Variants in MGRN1 observed in about 807,000 individuals in gnomAD.
MGRN1 encodes E3 ubiquitin-protein ligase MGRN1.
In MGRN1, 29 loss-of-function variants were observed where a neutral mutation model predicts 69.2. The observed-to-expected ratio is 0.42, with a 90% CI of 0.31 to 0.57. The LOEUF (loss-of-function observed/expected upper bound fraction) is 0.57. MGRN1 is among the 20% of genes least tolerant of loss of function. MGRN1 has a pLI of 0.15. For missense variants in MGRN1, 998 were observed against 796.2 expected, an observed-to-expected ratio of 1.25 and a Z score of -3.05; for synonymous variants, 470 against 344.2, an observed-to-expected ratio of 1.37 and a Z score of -4.04.
At chr16:4,650,250 C>G in intron 1 of MGRN1, 115 bp from the exon 2 acceptor site, 1 of 739,996 alleles carries the variant, frequency 1.4e-6, no homozygotes, top group Non-Finnish European at 2.2e-6. Flanking sequence ...TTGCAGTGAG[C>G]TGAGATAGCG....
chr16:4,643,381 CT>C (rs1240731149), intron 1 of MGRN1, among the ~76,000 whole-genome samples: 1 of 150,158 alleles, frequency 6.7e-6, no homozygotes, highest in Non-Finnish European at 1.5e-5. Context: ...CAGGCGTGAG[CT>C]ACTGTACCCG....
intron 5 of MGRN1, 116 bp downstream of exon 5, chr16:4,657,479 T>TG (rs1338856374): frequency 4.1e-5 from 41 of 1,006,148 alleles, no homozygotes; most frequent in Non-Finnish European, 5.6e-5. Context: ...TCATAAGACC[T>TG]GGGAACGGCC....
In MGRN1 at chr16:4,667,074, T is replaced by G. The variant is rs79480656; in HGVS notation, c.679-1191T>G. 4.5e-3 allele frequency among the ~76,000 whole-genome samples: 691 copies of G among 152,328 alleles called. 4 individuals carry two copies. Among genetic ancestry groups the G allele is most frequent in the African/African-American group, 0.016 (664 of 41,586 alleles). ...GCAGGTCTGCGTGGCACCATCCTGCTGCCTAGGAGTCGGAGGGGGAAAGGA... is the reference window on the plus strand; with the variant it reads ...GCAGGTCTGCGTGGCACCATCCTGCGGCCTAGGAGTCGGAGGGGGAAAGGA... On this transcript the variant is annotated intron_variant, in intron 7 of 16. Transcript: ENST00000262370.
chr16:4,635,085 G>A (rs1430168401), intron 1 of MGRN1: 1 of 149,922 alleles, frequency 6.7e-6, no homozygotes, highest in Non-Finnish European at 1.5e-5. Context: ...GAAAAAGTGT[G>A]TGTGTACATA....
chr16:4,645,700 A>G (rs2078260338), intron 1 of MGRN1, among the ~76,000 whole-genome samples: 1 of 152,180 alleles, frequency 6.6e-6, no homozygotes, highest in Non-Finnish European at 1.5e-5. Flanking sequence ...GAAGAGCTGG[A>G]TGAGCTGAGG....
At chr16:4,669,410 G>A (rs1251447583) in intron 8 of MGRN1, among the ~76,000 whole-genome samples, 2 of 133,852 alleles carry the variant, frequency 1.5e-5, no homozygotes, top group African/African-American at 2.8e-5. Context: ...CTCCAGCCTG[G>A]GTGACAGAGG....
chr16:4,660,118 CAG>C (rs2078643298), intron 5 of MGRN1, among the ~76,000 whole-genome samples: 2 of 152,252 alleles, frequency 1.3e-5, no homozygotes, highest in South Asian at 4.1e-4. Flanking sequence ...GGACAGGCCA[CAG>C]GGGTGCCCAG....
At position 4,673,587 on chromosome 16, in the gene MGRN1, C is replaced by T. The variant is rs1193604746; in HGVS notation, c.885C>T (p.His295=). ...LRDTLILPCR[H]LCLCTSCADT... The stretch of plus-strand genomic sequence containing the variant: ...ACACGCTGATCCTGCCCTGCCGCCA[C>T]CTGTGCCTCTGTACCTCCTGCGCCG... The change falls in exon 10 of 17, where the codon CAC becomes CAT. Residue 295 remains histidine (H), a synonymous_variant. Coordinates refer to ENST00000262370, the MANE Select transcript of MGRN1 (RefSeq NM_015246.4). 5 of 1,613,868 alleles carry T rather than the reference C, an allele frequency of 3.1e-6. No individual in the cohort carries two copies. In the South Asian group the frequency reaches 4.4e-5, roughly 14 times the overall value.
At chr16:4,652,924 G>C in intron 4 of MGRN1, 100 bp downstream of exon 4, 1 of 1,388,550 alleles carries the variant, frequency 7.2e-7, no homozygotes, top group Non-Finnish European at 9.5e-7. Context: ...AAACCAAACC[G>C]TGCTCTTTGA....
chr16:4,671,377 T>C lies in MGRN1; in HGVS notation c.727-14T>C. 2 of 1,613,970 alleles carry C rather than the reference T, an allele frequency of 1.2e-6. No individual in the cohort carries two copies. Among genetic ancestry groups the C allele is most frequent in the Non-Finnish European group, 1.7e-6 (2 of 1,179,912 alleles). ...AGTTGGCGAGGGCCCAGTGAGCCCC[T>C]CTCTGCTCTCCAGGTGGACCGGGTC... On this transcript the variant is annotated splice_polypyrimidine_tract_variant and intron_variant, in intron 8 of 16. Coordinates refer to ENST00000262370, the MANE Select transcript of MGRN1 (RefSeq NM_015246.4).
chr16:4,672,870 C>G (rs903810998), intron 9 of MGRN1, among the ~76,000 whole-genome samples: 1 of 152,140 alleles, frequency 6.6e-6, no homozygotes, highest in Non-Finnish European at 1.5e-5. Flanking sequence ...TGGAGTCTTG[C>G]TCTGTTGCCC....
intron 1 of MGRN1, among the ~76,000 whole-genome samples, chr16:4,631,535 C>T (rs1439679829): frequency 6.6e-6 from 1 of 152,178 alleles, no homozygotes; most frequent in Non-Finnish European, 1.5e-5. Context: ...GACAGTCCCC[C>T]ACAATTAAGA....
intron 1 of MGRN1, among the ~76,000 whole-genome samples, chr16:4,628,096 AAG>A: frequency 6.9e-6 from 1 of 145,162 alleles, no homozygotes; most frequent in Non-Finnish European, 1.5e-5. Context: ...AAAAAAAAAA[AAG>A]AATTGTGGGT....
At chr16:4,631,568 T>C (rs987805590) in intron 1 of MGRN1, among the ~76,000 whole-genome samples, 49 of 152,232 alleles carry the variant, frequency 3.2e-4, no homozygotes, top group Non-Finnish European at 1.0e-4. Flanking sequence ...AGAATATCCA[T>C]AGTGCTTAGA....
At chr16:4,680,561 A>G (rs2141973399) in intron 12 of MGRN1, 1 of 168,570 alleles carries the variant, frequency 5.9e-6, no homozygotes, top group East Asian at 1.9e-4. Flanking sequence ...GGACCAGCAC[A>G]CAACCACCTG....
chr16:4,633,965 T>G (rs1023187129), intron 1 of MGRN1: 5 of 152,164 alleles, frequency 3.3e-5, no homozygotes, highest in African/African-American at 1.2e-4. Flanking sequence ...GATAAAAATT[T>G]TTTTAAAAAG....
chr16:4,683,860 A>C lies in MGRN1; in HGVS notation c.1546A>C (p.Ile516Leu), dbSNP rs754636969. 5.2e-6 allele frequency: 8 copies of C among 1,551,700 alleles called. No individual in the cohort carries two copies. The highest frequency in any genetic ancestry group is 7.0e-6 in the Non-Finnish European group (8 of 1,140,044). The change falls in exon 16 of 17, where the codon ATT becomes CTT. Residue 516 changes from isoleucine (I) to leucine (L), a missense_variant. Coordinates refer to ENST00000262370, the MANE Select transcript of MGRN1 (RefSeq NM_015246.4). ...SPQQGTRAAS[I>L]ENVLQDSSPE... Reference sequence around the variant, plus strand: ...GCCTGCAGGGACCCGAGCAGCTTCCATTGAGAATGTCCTGCAGGACAGCAG... The same window carrying C: ...GCCTGCAGGGACCCGAGCAGCTTCCCTTGAGAATGTCCTGCAGGACAGCAG...
chr16:4,687,105 C>A (rs1214187830), intron 16 of MGRN1: 2 of 985,342 alleles, frequency 2.0e-6, no homozygotes, highest in Non-Finnish European at 2.4e-6. Flanking sequence ...GCCTTTGTGC[C>A]ATGAGCCCAC....
intron 8 of MGRN1, among the ~76,000 whole-genome samples, chr16:4,670,503 A>G (rs374312862): frequency 2.0e-5 from 3 of 152,208 alleles, no homozygotes; most frequent in African/African-American, 7.2e-5. Context: ...TCGGCCTCCT[A>G]CTAAAGTGCT....
Sources: allele counts gnomAD v4.1 joint callset (sites outside exome capture counted in the v4.1 genomes callset), GRCh38; gene constraint gnomAD v4.1.1; transcripts MANE v1.5; gene names NCBI Gene and HGNC (gene_info 2026-07-23, HGNC 2026-07-21).